The following LRIF1 variants were observed in gnomAD, a reference collection of about 807,000 sequenced individuals.
LRIF1 encodes ligand dependent nuclear receptor interacting factor 1.
In LRIF1, 32 loss-of-function variants were observed where a neutral mutation model predicts 52.7. The ratio of observed to expected loss-of-function variants is 0.61; its 90% confidence interval spans 0.46 to 0.82. The LOEUF (loss-of-function observed/expected upper bound fraction) is 0.82. LRIF1 is among the 40% of genes least tolerant of loss of function. The pLI is 0.00. For synonymous variants in LRIF1, 323 were observed against 317.4 expected, an observed-to-expected ratio of 1.02 and a Z score of -0.19; for missense variants, 887 against 892.0, an observed-to-expected ratio of 0.99 and a Z score of 0.07.
At chr1:110,894,312 T>C in the LRIF1 span, 1 of 1,612,904 alleles carries the variant, frequency 6.2e-7, no homozygotes, top group Non-Finnish European at 8.5e-7. Context: ...TGAGAATGTA[T>C]CTGCTTTGTC....
rs546491146 is a variant in LRIF1 at position 110,947,284 on chromosome 1, A to G, written c.*675T>C. 6.6e-6 allele frequency: 1 copy of G among 152,324 alleles called. No individual in the cohort carries two copies. Among genetic ancestry groups the G allele is most frequent in the South Asian group, 2.1e-4 (1 of 4,820 alleles). The allele number at this position is 152,324 out of a possible 1,614,324, so 9.4% of individuals were successfully genotyped here. A position where few individuals can be genotyped will look rare whatever the true frequency, so the allele number is the denominator to read the frequency against. On this transcript the variant is annotated 3_prime_UTR_variant, in exon 4 of 4. Transcript: ENST00000369763. ...TAACGTATGTACATAGTCCCAAAAA[A>G]AAAAAAAGCAGCATTTGCCTGGGAA...
chr1:110,895,405 G>A, the LRIF1 span, among the ~76,000 whole-genome samples: 1 of 152,166 alleles, frequency 6.6e-6, no homozygotes, highest in Admixed American at 6.5e-5. Flanking sequence ...TTGAGTTCCC[G>A]AGTTGCCCAA....
At chr1:110,883,565 A>G in the LRIF1 span, among the ~76,000 whole-genome samples, 1 of 151,928 alleles carries the variant, frequency 6.6e-6, no homozygotes, top group Non-Finnish European at 1.5e-5. Context: ...CTCACAGGAT[A>G]AGGTAGAGAG....
At chr1:110,936,151 A>C in the LRIF1 span, among the ~76,000 whole-genome samples, 1 of 152,184 alleles carries the variant, frequency 6.6e-6, no homozygotes, top group Non-Finnish European at 1.5e-5. Flanking sequence ...GACAAACAAA[A>C]GCTGAGGGCT....
chr1:110,950,457 T>C lies in LRIF1; in HGVS notation c.1597-334A>G, dbSNP rs564371916. On this transcript the variant is annotated intron_variant, in intron 2 of 3. Transcript: ENST00000369763. ...TAGAAATTGTAGTCTTCTGGAAAAG[T>C]CACACATGCCTTTAATCGATCTTGT... Among the ~76,000 whole-genome samples, 4 of 152,300 alleles carry C rather than the reference T, an allele frequency of 2.6e-5. No individual in the cohort carries two copies. The South Asian group carries it at 6.2e-4, about 24-fold the overall frequency.
At chr1:110,891,357 T>A in the LRIF1 span, 1 of 1,366,066 alleles carries the variant, frequency 7.3e-7, no homozygotes, top group Non-Finnish European at 1.0e-6. Flanking sequence ...CCTTACAGAG[T>A]GAGGTAACTT....
intron 1 of LRIF1, among the ~76,000 whole-genome samples, chr1:110,957,735 C>T (rs941676280): frequency 2.0e-5 from 3 of 152,150 alleles, no homozygotes; most frequent in Non-Finnish European, 2.9e-5. Context: ...TTTTCCACAT[C>T]ATATAGGTTT....
the LRIF1 span, among the ~76,000 whole-genome samples, chr1:110,906,375 T>C: frequency 6.6e-6 from 1 of 151,984 alleles, no homozygotes; most frequent in East Asian, 1.9e-4. Flanking sequence ...CGAGACCCCA[T>C]ATCTACCAAA....
At chr1:110,934,011 G>C in the LRIF1 span, among the ~76,000 whole-genome samples, 2 of 152,276 alleles carry the variant, frequency 1.3e-5, no homozygotes, top group South Asian at 2.1e-4. Flanking sequence ...AGCCACAGAA[G>C]GATGGGGCAC....
the LRIF1 span, among the ~76,000 whole-genome samples, chr1:110,901,398 G>A: frequency 6.6e-6 from 1 of 150,486 alleles, no homozygotes; most frequent in Non-Finnish European, 1.5e-5. Context: ...GGCTGGTCCC[G>A]AACTCCTGAC....
At chr1:110,895,008 C>G in the LRIF1 span, 1 of 1,614,052 alleles carries the variant, frequency 6.2e-7, no homozygotes, top group African/African-American at 1.3e-5. Flanking sequence ...CCACCGTTAC[C>G]ACTCAGACAA....
In LRIF1 at chr1:110,952,167, T is replaced by C. The variant is rs1658507956; in HGVS notation, c.717A>G (p.Lys239=). Residue 239 remains lysine, a synonymous_variant, in exon 2 of 4, where the codon AAA becomes AAG. Transcript: ENST00000369763. ...TTTGAAAGTTCTTGGTAACTACATTTTTCACTGTATTTACAGGAGATACAT... is the reference window on the plus strand; with the variant it reads ...TTTGAAAGTTCTTGGTAACTACATTCTTCACTGTATTTACAGGAGATACAT... ...VIYVSPVNTV[K]NVVTKNFQNI... 6.2e-7 allele frequency: 1 copy of C among 1,614,100 alleles called. No individual in the cohort carries two copies. The highest frequency in any genetic ancestry group is 1.3e-5 in the African/African-American group (1 of 74,938).
the LRIF1 span, among the ~76,000 whole-genome samples, chr1:110,920,805 C>T: frequency 6.6e-6 from 1 of 152,128 alleles, no homozygotes; most frequent in Admixed American, 6.5e-5. Flanking sequence ...ATAGAAAATT[C>T]GTACTTTCCA....
the LRIF1 span, among the ~76,000 whole-genome samples, chr1:110,883,203 T>G: frequency 3.9e-5 from 6 of 151,996 alleles, no homozygotes; most frequent in Admixed American, 3.9e-4. Flanking sequence ...CCTTCATAAA[T>G]GCCTTTTATA....
chr1:110,911,170 C>T, the LRIF1 span, among the ~76,000 whole-genome samples: 1 of 151,326 alleles, frequency 6.6e-6, no homozygotes, highest in Non-Finnish European at 1.5e-5. Context: ...GTTTATGCTA[C>T]CCTCAACCCC....
At chr1:110,906,534 A>T in the LRIF1 span, among the ~76,000 whole-genome samples, 2 of 152,170 alleles carry the variant, frequency 1.3e-5, no homozygotes, top group African/African-American at 2.4e-5. Flanking sequence ...ACAGGGTGAG[A>T]TCCTGTCTCA....
the LRIF1 span, among the ~76,000 whole-genome samples, chr1:110,927,227 A>G: frequency 6.6e-6 from 1 of 152,164 alleles, no homozygotes; most frequent in African/African-American, 2.4e-5. Flanking sequence ...TCAGAGGAGC[A>G]GAATCACTAA....
the LRIF1 span, among the ~76,000 whole-genome samples, chr1:110,932,177 G>C: frequency 6.6e-6 from 1 of 152,262 alleles, no homozygotes; most frequent in Non-Finnish European, 1.5e-5. Flanking sequence ...GTAAGTAAGG[G>C]ATCCAGTTTC....
chr1:110,959,854 C>A (rs1014881741), intron 1 of LRIF1, among the ~76,000 whole-genome samples: 9 of 151,150 alleles, frequency 6.0e-5, no homozygotes, highest in Admixed American at 5.3e-4. Context: ...ATGAGGCATT[C>A]ATATATTAGA....
Sources: gnomAD v4.1 joint callset for allele counts (sites outside exome capture counted in the v4.1 genomes callset) on GRCh38, gnomAD v4.1.1 for gene constraint, MANE v1.5 for transcripts, NCBI Gene and HGNC (gene_info 2026-07-23, HGNC 2026-07-21) for gene names.